Variants in CDYL observed in about 807,000 individuals in gnomAD.
CDYL encodes chromodomain Y like.
Under a neutral mutation model 47.3 loss-of-function variants are expected in CDYL, and 8 were observed. The ratio of observed to expected loss-of-function variants is 0.17; its 90% CI spans 0.10 to 0.31. The LOEUF is 0.31. Among genes scored for constraint, CDYL ranks in the 10% least tolerant of loss-of-function variants. The pLI is 1.00. For synonymous variants in CDYL, 266 were observed against 265.0 expected, an observed-to-expected ratio of 1.00 and a Z score of -0.04; for missense variants, 471 against 701.4, an observed-to-expected ratio of 0.67 and a Z score of 3.71.
At chr6:4,831,070 G>A (rs1385503586) in intron 1 of CDYL, among the ~76,000 whole-genome samples, 2 of 152,110 alleles carry the variant, frequency 1.3e-5, no homozygotes. Flanking sequence ...ACATACTTGT[G>A]CATGTGTCTT....
intron 5 of CDYL, among the ~76,000 whole-genome samples, chr6:4,948,664 C>T (rs1357515490): frequency 1.3e-5 from 2 of 152,136 alleles, no homozygotes; most frequent in Non-Finnish European, 2.9e-5. Flanking sequence ...GCTTAGCACC[C>T]TGCATGTAGC....
At chr6:4,744,869 A>G (rs1000560553) in intron 3 of CDYL, among the ~76,000 whole-genome samples, 6 of 151,986 alleles carry the variant, frequency 3.9e-5, no homozygotes, top group African/African-American at 1.2e-4. Context: ...CAAAGAAATG[A>G]CTCTCAACTG....
chr6:4,794,819 G>T (rs528944288), intron 1 of CDYL, among the ~76,000 whole-genome samples: 1 of 152,216 alleles, frequency 6.6e-6, no homozygotes, highest in African/African-American at 2.4e-5. Context: ...AAAGCAGTTG[G>T]TTAATGCCAG....
intron 1 of CDYL, among the ~76,000 whole-genome samples, chr6:4,837,511 C>G (rs1316313159): frequency 6.7e-6 from 1 of 148,366 alleles, no homozygotes; most frequent in Admixed American, 6.7e-5. Flanking sequence ...GTCGCCCAGG[C>G]TGGAGTGCAG....
At chr6:4,950,489 C>T (rs1014985015) in intron 5 of CDYL, among the ~76,000 whole-genome samples, 1 of 152,208 alleles carries the variant, frequency 6.6e-6, no homozygotes, top group African/African-American at 2.4e-5. Context: ...AGTCCCACTC[C>T]CTTTCCTGCT....
At chr6:4,772,822 C>T (rs1294981528), upstream of CDYL, 3 of 290,172 alleles carry the variant, frequency 1.0e-5, no homozygotes, top group Admixed American at 9.8e-5. Flanking sequence ...TAGCTTTTCA[C>T]AGCTACCCAA....
intron 2 of CDYL, among the ~76,000 whole-genome samples, chr6:4,716,116 TGG>T (rs1561819958): frequency 3.3e-5 from 5 of 151,816 alleles, no homozygotes; most frequent in Non-Finnish European, 7.4e-5. Context: ...TGGCGTGGTG[TGG>T]GTGCCTGTAG....
At chr6:4,861,490 G>T (rs377475731) in intron 1 of CDYL, among the ~76,000 whole-genome samples, 1 of 152,232 alleles carries the variant, frequency 6.6e-6, no homozygotes, top group South Asian at 2.1e-4. Context: ...GGCCAAGAGG[G>T]CCAGTAAATC....
intron 1 of CDYL, among the ~76,000 whole-genome samples, chr6:4,847,165 A>T (rs1760685717): frequency 1.3e-5 from 2 of 152,178 alleles, no homozygotes; most frequent in Non-Finnish European, 2.9e-5. Flanking sequence ...TCAGTGTGTG[A>T]GGGTAGTTGC....
intron 3 of CDYL, among the ~76,000 whole-genome samples, chr6:4,749,333 A>ATGGG (rs905088592): frequency 7.1e-6 from 1 of 141,394 alleles, no homozygotes; most frequent in South Asian, 2.5e-4. Context: ...GGATGGATGG[A>ATGGG]TGGATGGCTG....
intron 3 of CDYL, among the ~76,000 whole-genome samples, chr6:4,761,471 G>A (rs548483981): frequency 6.4e-4 from 98 of 152,178 alleles, no homozygotes; most frequent in African/African-American, 2.2e-3. Flanking sequence ...AGCCTCCTGA[G>A]TAGCTGAGAT....
chr6:4,726,140 C>T (rs1163362048), intron 2 of CDYL, among the ~76,000 whole-genome samples: 1 of 152,126 alleles, frequency 6.6e-6, no homozygotes, highest in East Asian at 1.9e-4. Flanking sequence ...GGGCCCGGCA[C>T]GGTGGCTCAT....
chr6:4,818,955 C>T (rs527268488), intron 1 of CDYL, among the ~76,000 whole-genome samples: 1 of 152,260 alleles, frequency 6.6e-6, no homozygotes, highest in Non-Finnish European at 1.5e-5. Flanking sequence ...AATGCAGGTG[C>T]GGTGTCACTG....
chr6:4,872,526 A>C (rs1761505749), intron 1 of CDYL, among the ~76,000 whole-genome samples: 1 of 151,998 alleles, frequency 6.6e-6, no homozygotes, highest in Admixed American at 6.5e-5. Flanking sequence ...GACTACAGGC[A>C]TGTACCACCA....
chr6:4,774,031 A>G (rs1758378402), upstream of CDYL, among the ~76,000 whole-genome samples: 1 of 152,204 alleles, frequency 6.6e-6, no homozygotes, highest in South Asian at 2.1e-4. Context: ...CTCCTGGGCA[A>G]CAATGGCAGT....
chr6:4,719,803 C>T (rs141155655), intron 2 of CDYL, among the ~76,000 whole-genome samples: 28 of 152,250 alleles, frequency 1.8e-4, no homozygotes, highest in Middle Eastern at 3.4e-3. Context: ...GAAACAGTCA[C>T]CAGAATTTGC....
chr6:4,720,787 A>G lies in CDYL; in HGVS notation c.103+4906A>G, dbSNP rs77149932. On this transcript the variant is annotated intron_variant, in intron 2 of 8. Coordinates refer to the CDYL transcript ENST00000328908. ...CAGTCAAAAGCTCTCCTGCTGGAAA[A>G]TAATATCTTGAATTGAAAAGCATTC... Among the ~76,000 whole-genome samples the G allele has an allele frequency of 9.2e-5, 14 of 152,302 alleles. No individual in the cohort carries two copies. In the East Asian group the frequency reaches 2.5e-3, roughly 27 times the overall value.
rs143793672 is a variant in CDYL, at chr6:4,730,274, C to T, written c.104-4488C>T. ...GAAATTCTTTGGAGGCAAAGCGTAA[C>T]GGTTCCAGTACTGGCACCAAATGTC... On this transcript the variant is annotated intron_variant, in intron 2 of 8. Transcript: ENST00000328908. 1.6e-3 allele frequency among the ~76,000 whole-genome samples: 249 copies of T among 152,288 alleles called. 1 individual carries two copies. Among genetic ancestry groups the T allele is most frequent in the African/African-American group, 5.5e-3 (229 of 41,562 alleles).
intron 1 of CDYL, among the ~76,000 whole-genome samples, chr6:4,858,267 G>A (rs574752030): frequency 2.2e-4 from 33 of 152,190 alleles, no homozygotes; most frequent in Non-Finnish European, 3.8e-4. Context: ...AAAGAGGAAG[G>A]GAAACTCGGA....
Sources: allele counts gnomAD v4.1 joint callset (sites outside exome capture counted in the v4.1 genomes callset), GRCh38; gene constraint gnomAD v4.1.1; transcripts MANE v1.5; gene names NCBI Gene and HGNC (gene_info 2026-07-23, HGNC 2026-07-21).